CLDN10: variants seen among roughly 807,000 people sequenced by gnomAD.
CLDN10 encodes claudin 10.
CLDN10 carries 15 observed loss-of-function variants against 22.9 expected under a neutral mutation model. The observed-to-expected ratio is 0.65, with a 90% CI of 0.44 to 1.01. CLDN10 has a LOEUF of 1.01. CLDN10 is among the 50% of genes least tolerant of loss of function. The probability of loss-of-function intolerance (pLI) is 0.00; values close to 1 mark genes in which losing one functional copy is unlikely to be tolerated. For synonymous variants in CLDN10, 114 were observed against 111.4 expected (o/e 1.02, Z -0.15); for missense variants, 247 against 287.8 (o/e 0.86, Z 1.03).
intron 1 of CLDN10, among the ~76,000 whole-genome samples, chr13:95,454,154 G>A (rs1041932047): frequency 7.2e-5 from 11 of 151,848 alleles, no homozygotes; most frequent in Non-Finnish European, 1.2e-4. Context: ...TTGAAAGAAG[G>A]CCAGGCCAGG....
chr13:95,524,175 A>T (rs1353063040), intron 1 of CLDN10, among the ~76,000 whole-genome samples: 1 of 147,124 alleles, frequency 6.8e-6, no homozygotes. Context: ...GGTATTCTGT[A>T]GCATCACAAT....
At chr13:95,576,889 C>T (rs1307717767) in intron 3 of CLDN10, among the ~76,000 whole-genome samples, 1 of 152,186 alleles carries the variant, frequency 6.6e-6, no homozygotes, top group African/African-American at 2.4e-5. Context: ...ATTTGCGCTG[C>T]AGAACAGAAC....
At chr13:95,514,026 G>A (rs533919035) in intron 1 of CLDN10, among the ~76,000 whole-genome samples, 16 of 152,250 alleles carry the variant, frequency 1.1e-4, no homozygotes, top group African/African-American at 3.9e-4. Context: ...AGGAGGCCAA[G>A]ACGGGAGGAT....
chr13:95,468,751 G>A (rs752833541), intron 1 of CLDN10, among the ~76,000 whole-genome samples: 3 of 151,858 alleles, frequency 2.0e-5, no homozygotes, highest in East Asian at 1.9e-4. Context: ...GAAAGAAAAC[G>A]GCCTGGGTGC....
At chr13:95,482,070 A>G (rs930205062) in intron 1 of CLDN10, among the ~76,000 whole-genome samples, 2 of 152,162 alleles carry the variant, frequency 1.3e-5, no homozygotes, top group South Asian at 2.1e-4. Context: ...TGTAAAAATA[A>G]AAGAGTATAA....
chr13:95,480,037 A>T (rs28451779), intron 1 of CLDN10: 1 of 145,522 alleles, frequency 6.9e-6, no homozygotes, highest in African/African-American at 2.5e-5. Flanking sequence ...CCACATGGCT[A>T]GGGAGGCCTC....
At chr13:95,457,608 TGACCTTA>T (rs1360454263) in intron 1 of CLDN10, among the ~76,000 whole-genome samples, 1 of 152,170 alleles carries the variant, frequency 6.6e-6, no homozygotes, top group Non-Finnish European at 1.5e-5. Context: ...CAACTAGAAA[TGACCTTA>T]GTTCTTCCCA....
intron 3 of CLDN10, 62 bp from the exon 4 acceptor site, chr13:95,577,169 G>A (rs965364594): frequency 1.8e-5 from 20 of 1,118,576 alleles, no homozygotes; most frequent in African/African-American, 1.2e-4. Flanking sequence ...GACTATCAGT[G>A]TTAAATACTG....
At chr13:95,561,699 C>T (rs1180932595) in intron 3 of CLDN10, among the ~76,000 whole-genome samples, 7 of 151,808 alleles carry the variant, frequency 4.6e-5, no homozygotes, top group Non-Finnish European at 1.0e-4. Flanking sequence ...TTCTAATATT[C>T]CACTATTTTG....
rs531214887 is a variant in CLDN10 at position 95,525,335 on chromosome 13, T to C, written c.215-34797T>C. ...TTCAAGTCCTTTGTCCATTACTAAA[T>C]TGGGTTATTTGGGTTTTTATTATTG... On this transcript the variant is annotated intron_variant, in intron 1 of 4. Coordinates refer to the CLDN10 transcript ENST00000376873. Among the ~76,000 whole-genome samples, 137 of 152,338 alleles carry C rather than the reference T, an allele frequency of 9.0e-4. 1 individual carries two copies. Among genetic ancestry groups the C allele is most frequent in the Non-Finnish European group, 1.7e-3 (115 of 68,028 alleles).
At chr13:95,496,748 C>A (rs1356012145) in intron 1 of CLDN10, among the ~76,000 whole-genome samples, 1 of 152,188 alleles carries the variant, frequency 6.6e-6, no homozygotes, top group Non-Finnish European at 1.5e-5. Flanking sequence ...CTCATGTAAA[C>A]CTAATTATTT....
At position 95,560,368 on chromosome 13, in the gene CLDN10, C is replaced by T; in HGVS notation, c.383-14C>T. The T allele has an allele frequency of 6.2e-7, 1 of 1,613,250 alleles. No homozygotes were observed. On this transcript the variant is annotated splice_polypyrimidine_tract_variant and intron_variant, in intron 2 of 4. Transcript: ENST00000299339. ...TCACACTAACCATAGTGCTTTCCCT[C>T]TAATATTTGTTAGGGCTGTGCTCAA...
In CLDN10 at chr13:95,471,358, A is replaced by ATG. The variant is rs150912802; in HGVS notation, c.214+37325_214+37326dup. ...CTTCAGCTCTGACTTATGGATATAT[A>ATG]TGTGTGTGTGTGTGTATATATATAA... On this transcript the variant is annotated intron_variant, in intron 1 of 4. Coordinates refer to the CLDN10 transcript ENST00000376873. 1.7e-3 allele frequency among the ~76,000 whole-genome samples: 242 copies of ATG among 144,138 alleles called. 1 individual carries two copies. Among genetic ancestry groups the ATG allele is most frequent in the African/African-American group, 3.7e-3 (144 of 39,178 alleles). The allele number at this position is 144,138 out of a possible 152,430, so 94.6% of individuals were successfully genotyped here.
In CLDN10 at chr13:95,560,209, G is replaced by C; in HGVS notation, c.298G>C (p.Gly100Arg). 3 of 1,614,142 alleles carry C rather than the reference G, an allele frequency of 1.9e-6. No individual in the cohort carries two copies. Among genetic ancestry groups the C allele is most frequent in the Non-Finnish European group, 2.5e-6 (3 of 1,180,010 alleles). ...CTTTGGTTCCATATTTGCGCTCTTT[G>C]GAATGAAGTGTACCAAAGTCGGAGG... ...GFFGSIFALFGMKCTKVGGSD... is the reference protein window; with the variant it reads ...GFFGSIFALFRMKCTKVGGSD... Residue 100 changes from glycine to arginine, a missense_variant, in exon 2 of 5, where the codon GGA (glycine) becomes CGA (arginine). Physicochemically the swap from Gly to Arg is moderately radical, Grantham distance 125. Transcript: ENST00000299339.
In CLDN10 at chr13:95,559,391, C is replaced by T. The variant is rs139066430; in HGVS notation, c.221-741C>T. Reference sequence around the variant, plus strand: ...AACAAACGAACTGACAGAACATACTCGTTAGGGTACTTTAAAGGCATTCAT... The same window carrying T: ...AACAAACGAACTGACAGAACATACTTGTTAGGGTACTTTAAAGGCATTCAT... On this transcript the variant is annotated intron_variant, in intron 1 of 4. Coordinates refer to ENST00000299339, the MANE Select transcript of CLDN10 (RefSeq NM_006984.5). Among the ~76,000 whole-genome samples, 1,229 of 152,254 alleles carry T rather than the reference C, an allele frequency of 8.1e-3. 19 individuals carry two copies. Among genetic ancestry groups the T allele is most frequent in the African/African-American group, 0.028 (1,160 of 41,532 alleles).
chr13:95,573,515 T>G (rs2043887563), intron 3 of CLDN10, among the ~76,000 whole-genome samples: 1 of 152,172 alleles, frequency 6.6e-6, no homozygotes, highest in Admixed American at 6.5e-5. Context: ...CTTACCAAGG[T>G]GTTGAAATCA....
At chr13:95,546,406 G>T (rs1390170410) in intron 1 of CLDN10, among the ~76,000 whole-genome samples, 1 of 152,064 alleles carries the variant, frequency 6.6e-6, no homozygotes, top group Non-Finnish European at 1.5e-5. Flanking sequence ...GTACCCCATT[G>T]CATGGAGTTT....
At chr13:95,542,699 C>T (rs576377195) in intron 1 of CLDN10, among the ~76,000 whole-genome samples, 161 of 151,974 alleles carry the variant, frequency 1.1e-3, no homozygotes, top group Non-Finnish European at 2.1e-3. Context: ...TGCAGCTACT[C>T]GGGGGGCTGA....
chr13:95,536,968 C>A (rs1453104520), intron 1 of CLDN10, among the ~76,000 whole-genome samples: 1 of 152,210 alleles, frequency 6.6e-6, no homozygotes, highest in African/African-American at 2.4e-5. Flanking sequence ...GCAGCATGTG[C>A]ATGTGAATCC....
Sources: allele counts gnomAD v4.1 joint callset (sites outside exome capture counted in the v4.1 genomes callset), GRCh38; gene constraint gnomAD v4.1.1; transcripts MANE v1.5; gene names NCBI Gene and HGNC (gene_info 2026-07-23, HGNC 2026-07-21).